NSUN7: variants seen among roughly 807,000 people sequenced by gnomAD.
NSUN7 encodes NOP2/Sun RNA methyltransferase family member 7.
Under a neutral mutation model 58.5 loss-of-function variants are expected in NSUN7, and 39 were observed. The observed-to-expected ratio is 0.67, with a 90% CI of 0.52 to 0.87. The LOEUF (loss-of-function observed/expected upper bound fraction) is 0.87, where lower values mean the gene tolerates loss of function less well. NSUN7 is among the 40% of genes least tolerant of loss of function. NSUN7 has a pLI of 0.00. For missense variants in NSUN7, 765 were observed against 844.1 expected, an observed-to-expected ratio of 0.91 and a Z score of 1.16; for synonymous variants, 278 against 303.7, an observed-to-expected ratio of 0.92 and a Z score of 0.88.
intron 4 of NSUN7, among the ~76,000 whole-genome samples, chr4:40,765,108 G>T (rs1171999695): frequency 1.7e-4 from 24 of 140,228 alleles, no homozygotes; most frequent in Admixed American, 3.0e-4. Context: ...GTCAATTTTG[G>T]CTTTTGTTGC....
rs1265730958 is a variant in NSUN7 at position 40,774,790 on chromosome 4, TG to T, written c.666del (p.Lys223ArgfsTer29). The T allele has an allele frequency of 1.3e-6, 2 of 1,538,844 alleles. No homozygotes were observed. The highest frequency in any genetic ancestry group is 1.8e-6 in the Non-Finnish European group (2 of 1,128,828). ...AGCCCTGAAGAAGTTTATAATAATT[TG>T]AAGAGAAGAGGCTATAATAAAGTCA... The part of the protein sequence containing the change: ...KISPEEVYNN[L>X]KRRGYNKVKS... On this transcript the variant is annotated frameshift_variant, in exon 6 of 12. Coordinates refer to ENST00000381782, the MANE Select transcript of NSUN7 (RefSeq NM_024677.6). LOFTEE classifies it high-confidence loss of function.
chr4:40,784,207 A>G (rs2154288233), intron 7 of NSUN7, among the ~76,000 whole-genome samples: 1 of 152,382 alleles, frequency 6.6e-6, no homozygotes, highest in Admixed American at 6.5e-5. Flanking sequence ...TTTGGAAAAC[A>G]GTTTGGCAGT....
rs1426866955 is a variant in NSUN7, at chr4:40,786,027, C to T, written c.1037-4575C>T. ...GAAGAGGGAAGGACAGTTAGTCAGTCTTATAGCTGGATCAGTTACCAGGAG... is the reference window on the plus strand; with the variant it reads ...GAAGAGGGAAGGACAGTTAGTCAGTTTTATAGCTGGATCAGTTACCAGGAG... On this transcript the variant is annotated intron_variant, in intron 7 of 11. Transcript: ENST00000381782. 4.0e-6 allele frequency: 6 copies of T among 1,503,022 alleles called. No individual in the cohort carries two copies. In the African/African-American group the frequency reaches 7.0e-5, roughly 18 times the overall value. The allele number at this position is 1,503,022 out of a possible 1,614,324, so 93.1% of individuals were successfully genotyped here. A position where few individuals can be genotyped will look rare whatever the true frequency, so the allele number is the denominator to read the frequency against.
Position 40,807,133 on chromosome 4 carries a change from G to A in NSUN7, c.1473G>A (p.Met491Ile). 1 of 1,550,900 alleles carries A rather than the reference G, an allele frequency of 6.4e-7. No homozygotes were observed. The highest frequency in any genetic ancestry group is 8.7e-7 in the Non-Finnish European group (1 of 1,146,500). Reference protein sequence around the residue: ...IQLSTDKFFRMEPSEITNGCF... With the variant: ...IQLSTDKFFRIEPSEITNGCF... ...TGTCTACTGATAAATTTTTCAGAAT[G>A]GAACCATCTGAAATTACCAATGGTT... is the stretch of plus-strand genomic sequence containing the variant. Residue 491 changes from methionine (M) to isoleucine (I), a missense_variant, in exon 11 of 12, where the codon ATG (methionine) becomes ATA (isoleucine). By Grantham distance (10) the Met-to-Ile change is conservative (BLOSUM62 1). Coordinates refer to ENST00000381782, the MANE Select transcript of NSUN7 (RefSeq NM_024677.6).
At chr4:40,797,450 C>T (rs1743369831) in intron 9 of NSUN7, among the ~76,000 whole-genome samples, 2 of 152,156 alleles carry the variant, frequency 1.3e-5, no homozygotes, top group African/African-American at 4.8e-5. Flanking sequence ...TGATCTTCCT[C>T]CCGCCATACT....
At position 40,763,640 on chromosome 4, in the gene NSUN7, A is replaced by C. The variant is rs151089972; in HGVS notation, c.488+2339A>C. Among the ~76,000 whole-genome samples the C allele has an allele frequency of 4.2e-3, 646 of 152,262 alleles. 4 individuals carry two copies. Among genetic ancestry groups the C allele is most frequent in the East Asian group, 0.017 (88 of 5,180 alleles). ...ACTTTAGCTGAGGATGCTGGTGAGG[A>C]AAGTAGGAGTAGGACAAGCAAAGGG... is the stretch of plus-strand genomic sequence containing the variant. On this transcript the variant is annotated intron_variant, in intron 4 of 11. Coordinates refer to ENST00000381782, the MANE Select transcript of NSUN7 (RefSeq NM_024677.6).
chr4:40,764,709 G>A (rs1343920327), intron 4 of NSUN7, among the ~76,000 whole-genome samples: 1 of 152,134 alleles, frequency 6.6e-6, no homozygotes, highest in African/African-American at 2.4e-5. Context: ...GTGTTAAAGT[G>A]TTCCTATTTC....
intron 7 of NSUN7, among the ~76,000 whole-genome samples, chr4:40,781,938 T>C (rs1305827711): frequency 6.6e-6 from 1 of 152,178 alleles, no homozygotes; most frequent in African/African-American, 2.4e-5. Context: ...ATGAAAGGTT[T>C]AATTCATCAG....
At chr4:40,761,983 G>A (rs1741482578) in intron 4 of NSUN7, among the ~76,000 whole-genome samples, 1 of 152,162 alleles carries the variant, frequency 6.6e-6, no homozygotes, top group Admixed American at 6.5e-5. Context: ...TGACAATGTT[G>A]GGAGTTGGGG....
intron 7 of NSUN7, 102 bp downstream of exon 7, chr4:40,776,361 A>C: frequency 2.8e-6 from 2 of 717,370 alleles, no homozygotes; most frequent in East Asian, 5.4e-5. Flanking sequence ...TAAAAGCTCT[A>C]TATGTGAACT....
rs1481333765 is a variant in NSUN7, at chr4:40,796,011, C to T, written c.1282+1535C>T. Among the ~76,000 whole-genome samples the T allele has an allele frequency of 3.9e-5, 6 of 152,270 alleles. No homozygotes were observed. In the East Asian group the frequency reaches 9.7e-4, roughly 25 times the overall value. On this transcript the variant is annotated intron_variant, in intron 9 of 11. Transcript: ENST00000381782. ...CTTTGACCAGAGCAACAAGGGGGCT[C>T]GGGCACCCCTAATTCCCTTACCCTC...
At chr4:40,799,073 C>CTTTTT (rs761448412) in intron 10 of NSUN7, among the ~76,000 whole-genome samples, 169 bp downstream of exon 10, 4,054 of 73,666 alleles carry the variant, frequency 0.055, 874 homozygotes, top group Non-Finnish European at 0.071. Context: ...GGGCCTTTTT[C>CTTTTT]TTTTTTTTTT....
intron 4 of NSUN7, among the ~76,000 whole-genome samples, chr4:40,773,809 T>C (rs1346105495): frequency 6.6e-6 from 1 of 152,182 alleles, no homozygotes; most frequent in African/African-American, 2.4e-5. Flanking sequence ...TCTATTTTCT[T>C]TTCTTTTTTG....
chr4:40,804,073 T>C (rs1335218827), intron 10 of NSUN7, among the ~76,000 whole-genome samples: 1 of 152,224 alleles, frequency 6.6e-6, no homozygotes, highest in Non-Finnish European at 1.5e-5. Context: ...TTCTGGACTC[T>C]CATTCTATTC....
In NSUN7 at chr4:40,808,729, C is replaced by T. The variant is rs938541450; in HGVS notation, c.1947C>T (p.Ile649=). 5 of 1,550,610 alleles carry T rather than the reference C, an allele frequency of 3.2e-6. No individual in the cohort carries two copies. Among genetic ancestry groups the T allele is most frequent in the East Asian group, 4.9e-5 (2 of 40,892 alleles). The change falls in exon 12 of 12, where the codon ATC becomes ATT. Residue 649 remains isoleucine, a synonymous_variant. Coordinates refer to ENST00000381782, the MANE Select transcript of NSUN7 (RefSeq NM_024677.6). ...PEDRMVALKP[I]KIVLPPVFMP... ...ACAGAATGGTTGCTCTGAAACCCAT[C>T]AAGATTGTTCTGCCTCCAGTCTTTA... is the stretch of plus-strand genomic sequence containing the variant.
chr4:40,789,912 G>A lies in NSUN7; in HGVS notation c.1037-690G>A, dbSNP rs555762711. Among the ~76,000 whole-genome samples the A allele has an allele frequency of 5.3e-5, 8 of 152,218 alleles. No homozygotes were observed. The South Asian group carries it at 1.7e-3, about 32-fold the overall frequency. ...AAGTAGAGGGTTGGCTGTAAGATAG[G>A]GGGCACAGATGGCTATAATGCAAGG... On this transcript the variant is annotated intron_variant, in intron 7 of 11. Transcript: ENST00000381782.
rs1577555138 is a variant in NSUN7, at chr4:40,770,030, G to A, written c.489-4235G>A. Among the ~76,000 whole-genome samples the A allele has an allele frequency of 2.0e-5, 3 of 152,140 alleles. No homozygotes were observed. The East Asian group carries it at 5.8e-4, about 29-fold the overall frequency. On this transcript the variant is annotated intron_variant, in intron 4 of 11. Transcript: ENST00000381782. ...TTCGAGACCAGCCTGGACCAACATG[G>A]AGAAGCCCCATCTCTACTAAAAATA...
chr4:40,801,719 G>A (rs1035508316), intron 10 of NSUN7, among the ~76,000 whole-genome samples: 22 of 151,828 alleles, frequency 1.4e-4, no homozygotes, highest in African/African-American at 5.1e-4. Flanking sequence ...GCAATGTGGT[G>A]AAACCTCATC....
intron 9 of NSUN7, among the ~76,000 whole-genome samples, chr4:40,795,018 C>G (rs1269636261): frequency 6.6e-6 from 1 of 152,166 alleles, no homozygotes; most frequent in Non-Finnish European, 1.5e-5. Context: ...CACTGCCTTT[C>G]CACATATGCA....
Sources: gnomAD v4.1 joint callset for allele counts (sites outside exome capture counted in the v4.1 genomes callset) on GRCh38, gnomAD v4.1.1 for gene constraint, MANE v1.5 for transcripts, NCBI Gene and HGNC (gene_info 2026-07-23, HGNC 2026-07-21) for gene names.